APBB1IP: variants seen among roughly 807,000 people sequenced by gnomAD.
APBB1IP encodes amyloid beta A4 precursor protein-binding family B member 1-interacting protein.
Under a neutral mutation model 64.9 loss-of-function variants are expected in APBB1IP, and 27 were observed. That is an observed-to-expected ratio of 0.42 (90% CI 0.31 to 0.57). The LOEUF (loss-of-function observed/expected upper bound fraction) is 0.57. Ranked by LOEUF, APBB1IP falls within the 20% of genes least tolerant of loss-of-function variation. APBB1IP has a pLI of 0.20. For synonymous variants in APBB1IP, 392 were observed against 331.0 expected (o/e 1.18, Z -2.00); for missense variants, 812 against 845.5 (o/e 0.96, Z 0.49).
intron 11 of APBB1IP, among the ~76,000 whole-genome samples, chr10:26,558,389 G>A (rs1219100376): frequency 3.3e-5 from 5 of 152,080 alleles, no homozygotes; most frequent in South Asian, 2.1e-4. Context: ...CCTGCCATGC[G>A]CTGGCCATGT....
intron 2 of APBB1IP, among the ~76,000 whole-genome samples, chr10:26,471,702 G>A (rs1835717686): frequency 6.7e-6 from 1 of 149,770 alleles, no homozygotes; most frequent in Non-Finnish European, 1.5e-5. Flanking sequence ...GTTTTTTTTT[G>A]TGAGACAGAG....
Position 26,438,816 on chromosome 10 carries a change from C to G in APBB1IP, c.-38C>G, listed in dbSNP as rs1427697662. ...CGCTTTCCCGGCCGGAGTCTCGCCGCCTTCCCGCGCCCCGCAGCGCCCCGC... is the reference window on the plus strand; with the variant it reads ...CGCTTTCCCGGCCGGAGTCTCGCCGGCTTCCCGCGCCCCGCAGCGCCCCGC... On this transcript the variant is annotated 5_prime_UTR_variant, in exon 2 of 15. Transcript: ENST00000376236. The G allele has an allele frequency of 6.6e-6, 1 of 152,642 alleles. No individual in the cohort carries two copies. Among genetic ancestry groups the G allele is most frequent in the Admixed American group, 6.5e-5 (1 of 15,292 alleles). The allele number at this position is 152,642 out of a possible 1,614,324, so 9.5% of individuals were successfully genotyped here. A position where few individuals can be genotyped will look rare whatever the true frequency, so the allele number is the denominator to read the frequency against.
Position 26,496,333 on chromosome 10 carries a change from T to C in APBB1IP, c.102T>C (p.Pro34=), listed in dbSNP as rs369272082. The change falls in exon 4 of 15, where the codon CCT becomes CCC. Residue 34 remains proline, a synonymous_variant. Transcript: ENST00000376236. Reference sequence around the variant, plus strand: ...TAGGAGTTGACACTCTCCCTCCTCCTGACCCTAATCCACCCAGAGCTGAAT... The same window carrying C: ...TAGGAGTTGACACTCTCCCTCCTCCCGACCCTAATCCACCCAGAGCTGAAT... The part of the protein sequence containing the change: ...QSLGVDTLPP[P]DPNPPRAEFN... 1.9e-6 allele frequency: 3 copies of C among 1,613,164 alleles called. No homozygotes were observed. The highest frequency in any genetic ancestry group is 2.5e-6 in the Non-Finnish European group (3 of 1,179,418).
In APBB1IP at chr10:26,567,551, A is replaced by G. The variant is rs747324665; in HGVS notation, c.*63A>G. 1.0e-5 allele frequency: 15 copies of G among 1,501,812 alleles called. No individual in the cohort carries two copies. The highest frequency in any genetic ancestry group is 3.4e-5 in the South Asian group (3 of 88,746). The allele number at this position is 1,501,812 out of a possible 1,614,324, so 93.0% of individuals were successfully genotyped here. A position where few individuals can be genotyped will look rare whatever the true frequency, so the allele number is the denominator to read the frequency against. On this transcript the variant is annotated 3_prime_UTR_variant, in exon 15 of 15. Transcript: ENST00000376236. ...GCTGACCCCGAGCGCAGGTTTTGCT[A>G]GCAGATTGCCCTGACATCTTGTTCA...
In APBB1IP at chr10:26,567,541, AG is replaced by A; in HGVS notation, c.*55del. On this transcript the variant is annotated 3_prime_UTR_variant, in exon 15 of 15. Coordinates refer to ENST00000376236, the MANE Select transcript of APBB1IP (RefSeq NM_019043.4). Reference sequence around the variant, plus strand: ...GAGAAGCATCGCTGACCCCGAGCGCAGGTTTTGCTAGCAGATTGCCCTGACA... The same window carrying A: ...GAGAAGCATCGCTGACCCCGAGCGCAGTTTTGCTAGCAGATTGCCCTGACA... 6.6e-7 allele frequency: 1 copy of A among 1,509,954 alleles called. No homozygotes were observed. The highest frequency in any genetic ancestry group is 9.0e-7 in the Non-Finnish European group (1 of 1,112,880). The allele number at this position is 1,509,954 out of a possible 1,614,324, so 93.5% of individuals were successfully genotyped here. A position where few individuals can be genotyped will look rare whatever the true frequency, so the allele number is the denominator to read the frequency against.
intron 2 of APBB1IP, among the ~76,000 whole-genome samples, chr10:26,466,352 G>A (rs1245866732): frequency 6.6e-6 from 1 of 152,046 alleles, no homozygotes; most frequent in East Asian, 1.9e-4. Flanking sequence ...CAAGGCGATG[G>A]GACACAGACC....
At chr10:26,553,725 C>A (rs148693325) in intron 11 of APBB1IP, among the ~76,000 whole-genome samples, 85 of 152,306 alleles carry the variant, frequency 5.6e-4, no homozygotes, top group African/African-American at 1.6e-3. Context: ...GTAAACAAAA[C>A]AAAGGCCTCT....
At chr10:26,520,654 G>A (rs1836391711) in intron 8 of APBB1IP, among the ~76,000 whole-genome samples, 1 of 152,146 alleles carries the variant, frequency 6.6e-6, no homozygotes, top group African/African-American at 2.4e-5. Flanking sequence ...ATAATTGCTA[G>A]GCATCCATTT....
At chr10:26,553,242 G>A (rs374327878) in intron 11 of APBB1IP, among the ~76,000 whole-genome samples, 33 of 151,886 alleles carry the variant, frequency 2.2e-4, no homozygotes, top group South Asian at 2.1e-4. Context: ...GGCTGGTCTC[G>A]AACCCCTGAC....
chr10:26,526,429 A>AAAAG (rs1244014914), intron 8 of APBB1IP, among the ~76,000 whole-genome samples: 2 of 152,188 alleles, frequency 1.3e-5, no homozygotes, highest in Non-Finnish European at 2.9e-5. Flanking sequence ...CTAACTTAAA[A>AAAAG]ATAATATCTG....
intron 10 of APBB1IP, among the ~76,000 whole-genome samples, chr10:26,539,150 C>G (rs1233015248): frequency 6.6e-6 from 1 of 152,134 alleles, no homozygotes; most frequent in East Asian, 1.9e-4. Context: ...GTGGCTCATG[C>G]CTCTAATTCC....
chr10:26,463,513 A>G (rs1224161949), intron 2 of APBB1IP, among the ~76,000 whole-genome samples: 1 of 152,064 alleles, frequency 6.6e-6, no homozygotes, highest in Non-Finnish European at 1.5e-5. Context: ...TGATTGATTG[A>G]TTGGATGCTT....
Position 26,533,530 on chromosome 10 carries a change from G to C in APBB1IP, c.900+5G>C. On this transcript the variant is annotated splice_donor_5th_base_variant and intron_variant, in intron 9 of 14. Coordinates refer to ENST00000376236, the MANE Select transcript of APBB1IP (RefSeq NM_019043.4). ...AACAAGGAATCCTTACTTGAGGTAA[G>C]GTTAATTTTGCAGAGTGGAAGAAAA... 1.9e-6 allele frequency: 3 copies of C among 1,578,642 alleles called. No homozygotes were observed. In the South Asian group the frequency reaches 3.5e-5, roughly 19 times the overall value.
intron 2 of APBB1IP, among the ~76,000 whole-genome samples, chr10:26,462,913 G>A (rs1262285714): frequency 6.6e-6 from 1 of 152,114 alleles, no homozygotes; most frequent in Non-Finnish European, 1.5e-5. Flanking sequence ...TAATGAAAGG[G>A]TTAGAATGAC....
chr10:26,566,932 A>T, intron 14 of APBB1IP, 29 bp from the exon 15 acceptor site: 1 of 1,539,604 alleles, frequency 6.5e-7, no homozygotes. Flanking sequence ...ATTAAAAAAA[A>T]AATGAATGCT....
At chr10:26,460,564 T>C (rs527426832) in intron 2 of APBB1IP, among the ~76,000 whole-genome samples, 1 of 152,260 alleles carries the variant, frequency 6.6e-6, no homozygotes, top group East Asian at 1.9e-4. Flanking sequence ...TGCCCATCAA[T>C]GATAGACTGA....
At chr10:26,464,936 T>C (rs1377633641) in intron 2 of APBB1IP, among the ~76,000 whole-genome samples, 3 of 152,246 alleles carry the variant, frequency 2.0e-5, no homozygotes, top group Admixed American at 6.5e-5. Flanking sequence ...TTATTCTCTG[T>C]TTTTATTTTA....
At chr10:26,499,843 A>G (rs1216315183) in intron 4 of APBB1IP, among the ~76,000 whole-genome samples, 1 of 152,150 alleles carries the variant, frequency 6.6e-6, no homozygotes, top group Non-Finnish European at 1.5e-5. Context: ...TGTCTTCATT[A>G]AGTTTCTACC....
At position 26,469,258 on chromosome 10, in the gene APBB1IP, CT is replaced by C. The variant is rs386361721; in HGVS notation, c.1-23050del. Among the ~76,000 whole-genome samples the C allele has an allele frequency of 6.9e-3, 776 of 112,898 alleles. 2 individuals are homozygous for C. Among genetic ancestry groups the C allele is most frequent in the African/African-American group, 0.012 (348 of 28,124 alleles). The allele number at this position is 112,898 out of a possible 152,430, so 74.1% of individuals were successfully genotyped here. A position where few individuals can be genotyped will look rare whatever the true frequency, so the allele number is the denominator to read the frequency against. On this transcript the variant is annotated intron_variant, in intron 2 of 14. Transcript: ENST00000376236. ...GTGTTTTCTTTCCTTCTTTTCTTTT[CT>C]TTTTTTTTTTTTTTTTTTGAGACAG...
Sources: allele counts gnomAD v4.1 joint callset (sites outside exome capture counted in the v4.1 genomes callset), GRCh38; gene constraint gnomAD v4.1.1; transcripts MANE v1.5; gene names NCBI Gene and HGNC (gene_info 2026-07-23, HGNC 2026-07-21).